Variants in SRP54 observed in about 807,000 individuals in gnomAD.
SRP54 encodes the protein signal recognition particle 54, also known as signal recognition particle subunit SRP54.
SRP54 carries 10 observed loss-of-function variants against 64.8 expected under a neutral mutation model. That is an observed-to-expected ratio of 0.15 (90% confidence interval 0.10 to 0.26). SRP54 has a LOEUF of 0.26. Among genes scored for constraint, SRP54 ranks in the 10% least tolerant of loss-of-function variants. SRP54 has a pLI of 1.00. For synonymous variants in SRP54, 193 were observed against 185.6 expected (o/e 1.04, Z -0.32); for missense variants, 325 against 613.7 (o/e 0.53, Z 4.97).
At chr14:35,024,831 A>G (rs780973922) in intron 14 of SRP54, among the ~76,000 whole-genome samples, 1 of 151,968 alleles carries the variant, frequency 6.6e-6, no homozygotes, top group African/African-American at 2.4e-5. Context: ...GGTTCAAGCT[A>G]TTCTCCTGCC....
chr14:35,025,361 T>G (rs1472129393), intron 14 of SRP54, among the ~76,000 whole-genome samples: 1 of 152,262 alleles, frequency 6.6e-6, no homozygotes, highest in Non-Finnish European at 1.5e-5. Context: ...CTTATTTTCC[T>G]TGCGATATCC....
rs565468225 is a variant in SRP54, at chr14:35,006,856, A to T, written c.256-427A>T. On this transcript the variant is annotated intron_variant, in intron 4 of 15. Coordinates refer to ENST00000216774, the MANE Select transcript of SRP54 (RefSeq NM_003136.4). ...CAAAGGGGAATAATTGTATTATAAT[A>T]GCTTATGGTAGCTTTTACATGAAAA... Among the ~76,000 whole-genome samples, 52 of 152,312 alleles carry T rather than the reference A, an allele frequency of 3.4e-4. 1 individual carries two copies.
At chr14:35,014,511 C>T (rs987746373) in intron 10 of SRP54, among the ~76,000 whole-genome samples, 1 of 151,992 alleles carries the variant, frequency 6.6e-6, no homozygotes, top group African/African-American at 2.4e-5. Flanking sequence ...AACTCCTGAC[C>T]TCAGGTGATC....
chr14:35,018,082 G>A (rs1386490800), intron 11 of SRP54, among the ~76,000 whole-genome samples: 1 of 152,200 alleles, frequency 6.6e-6, no homozygotes, highest in Admixed American at 6.5e-5. Flanking sequence ...TCCAGTCTCA[G>A]TGATAGAGCA....
chr14:35,028,071 T>TC lies in SRP54; in HGVS notation c.1328-17_1328-16insC. ...ACCTCCTACGCTGACTCAAAATCTT[T>TC]TTTTTTTTCCCCTCAGGTGGCGACA... On this transcript the variant is annotated splice_polypyrimidine_tract_variant and intron_variant, in intron 14 of 15. Coordinates refer to ENST00000216774, the MANE Select transcript of SRP54 (RefSeq NM_003136.4). The TC allele has an allele frequency of 2.5e-6, 4 of 1,584,018 alleles. No individual in the cohort carries two copies. The highest frequency in any genetic ancestry group is 3.4e-6 in the Non-Finnish European group (4 of 1,160,164).
Position 34,999,572 on chromosome 14 carries a change from G to C in SRP54, c.93G>C (p.Met31Ile), listed in dbSNP as rs1411095348. ...TTTATTTTCAGGTATTGAATGCTAT[G>C]CTAAAAGAAGTCTGTACCGCTTTGT... Reference protein sequence around the residue: ...TIINEEVLNAMLKEVCTALLE... With the variant: ...TIINEEVLNAILKEVCTALLE... Residue 31 changes from methionine (M) to isoleucine (I), a missense_variant, in exon 3 of 16, where the codon ATG becomes ATC. Transcript: ENST00000216774. 1 of 1,612,024 alleles carries C rather than the reference G, an allele frequency of 6.2e-7. No individual in the cohort carries two copies. The highest frequency in any genetic ancestry group is 8.5e-7 in the Non-Finnish European group (1 of 1,178,764).
rs765311551 is a variant in SRP54 at position 34,998,996 on chromosome 14, TGTGTGTGTGTGTGTGTGG to T, written c.79-561_79-544del. ...GTATGTGTGTGTGTGTGTGTGTGTG[TGTGTGTGTGTGTGTGTGG>T]TTTTTTTTTTTTTTTTTTGAGACAA... On this transcript the variant is annotated intron_variant, in intron 2 of 15. Coordinates refer to ENST00000216774, the MANE Select transcript of SRP54 (RefSeq NM_003136.4). Among the ~76,000 whole-genome samples the T allele has an allele frequency of 7.9e-3, 753 of 95,590 alleles. 10 individuals carry two copies. Among genetic ancestry groups the T allele is most frequent in the East Asian group, 0.016 (32 of 2,056 alleles). The allele number at this position is 95,590 out of a possible 152,430, so 62.7% of individuals were successfully genotyped here. A position where few individuals can be genotyped will look rare whatever the true frequency, so the allele number is the denominator to read the frequency against.
At position 34,993,331 on chromosome 14, in the gene SRP54, A is replaced by G. The variant is rs1187775321; in HGVS notation, c.-33-3346A>G. ...ATGAAGAATATTAATTTAAGGATCA[A>G]TAATTATTTTGTATAATGGGTATGG... On this transcript the variant is annotated intron_variant, in intron 1 of 15. Coordinates refer to ENST00000216774, the MANE Select transcript of SRP54 (RefSeq NM_003136.4). 2.0e-5 allele frequency: 3 copies of G among 152,346 alleles called. No homozygotes were observed. The East Asian group carries it at 5.8e-4, about 29-fold the overall frequency. 9.4% of individuals were successfully genotyped at this position (152,346 alleles called of 1,614,324 possible).
intron 7 of SRP54, among the ~76,000 whole-genome samples, chr14:35,010,028 A>G (rs969528273): frequency 1.3e-5 from 2 of 151,794 alleles, no homozygotes; most frequent in Non-Finnish European, 2.9e-5. Flanking sequence ...GGTGCCTGTA[A>G]TCCTAGCTAC....
intron 1 of SRP54, among the ~76,000 whole-genome samples, chr14:34,988,599 T>TATATATATAACATATATATATATAAC (rs1555352784): frequency 0.032 from 3,251 of 101,768 alleles, 149 homozygotes; most frequent in Non-Finnish European, 0.059. Context: ...ATATATAACA[T>TATATATATAACATATATATATATAAC]ATATATATAT....
rs761407366 is a variant in SRP54 at position 35,013,878 on chromosome 14, C to G, written c.862C>G (p.Gln288Glu). The G allele has an allele frequency of 1.9e-6, 3 of 1,613,658 alleles. No individual in the cohort carries two copies. The highest frequency in any genetic ancestry group is 1.7e-6 in the Non-Finnish European group (2 of 1,179,696). ...HIDDFEPFKT[Q>E]PFISKLLGMG... is the part of the protein sequence containing the mutation. ...AGATGACTTTGAACCTTTCAAAACA[C>G]AGCCTTTTATTAGCAAACTTCTTGG... The change falls in exon 10 of 16, where the codon CAG (glutamine) becomes GAG (glutamate). Residue 288 changes from glutamine (Q) to glutamate (E), a missense_variant. Transcript: ENST00000216774.
chr14:35,007,366 TA>T lies in SRP54; in HGVS notation c.343del (p.Thr115GlnfsTer7). The T allele has an allele frequency of 6.3e-7, 1 of 1,589,450 alleles. No individual in the cohort carries two copies. On this transcript the variant is annotated frameshift_variant, in exon 5 of 16. Coordinates refer to ENST00000216774, the MANE Select transcript of SRP54 (RefSeq NM_003136.4). LOFTEE classifies it high-confidence loss of function. ...TGTTTGTTGGATTGCAAGGGAGTGG[TA>T]AAACAACAACATGTTCAAAGGTAAA... ...IMFVGLQGSG[K>X]TTTCSKLAYY...
At chr14:35,019,585 C>CTAATGTATTAATGTATCCAT (rs1289226678) in intron 13 of SRP54, among the ~76,000 whole-genome samples, 5 of 152,164 alleles carry the variant, frequency 3.3e-5, no homozygotes, top group Non-Finnish European at 7.3e-5. Flanking sequence ...CATTGGGAAA[C>CTAATGTATTAATGTATCCAT]TAAGAAATGG....
chr14:35,028,064 AAATCTTTTT>A lies in SRP54; in HGVS notation c.1328-23_1328-15del, dbSNP rs770509157. ...TTATATTACCTCCTACGCTGACTCA[AAATCTTTTT>A]TTTTTTCCCCTCAGGTGGCGACATG... On this transcript the variant is annotated splice_polypyrimidine_tract_variant and intron_variant, in intron 14 of 15. Transcript: ENST00000216774. The A allele has an allele frequency of 6.4e-7, 1 of 1,567,054 alleles. No homozygotes were observed. Among genetic ancestry groups the A allele is most frequent in the African/African-American group, 1.4e-5 (1 of 73,530 alleles).
At chr14:35,003,007 A>C in intron 4 of SRP54, among the ~76,000 whole-genome samples, 1 of 152,054 alleles carries the variant, frequency 6.6e-6, no homozygotes, top group Non-Finnish European at 1.5e-5. Context: ...TGGCCTCCCA[A>C]AGTGTTAGGA....
intron 4 of SRP54, among the ~76,000 whole-genome samples, chr14:35,001,817 T>G (rs935690517): frequency 2.0e-5 from 3 of 152,146 alleles, no homozygotes; most frequent in Admixed American, 6.6e-5. Flanking sequence ...CTCACCTTAT[T>G]GCTGATCATG....
intron 4 of SRP54, 37 bp from the exon 5 acceptor site, chr14:35,007,246 A>T (rs777225631): frequency 6.9e-7 from 1 of 1,442,992 alleles, no homozygotes; most frequent in South Asian, 1.3e-5. Flanking sequence ...TATGTATGTT[A>T]ACCTGATTTT....
intron 4 of SRP54, 70 bp from the exon 5 acceptor site, chr14:35,007,212 TG>T (rs2044270656): frequency 9.6e-7 from 1 of 1,043,666 alleles, no homozygotes; most frequent in Non-Finnish European, 1.4e-6. Flanking sequence ...AAAAAAAAGT[TG>T]TGGGGAAGGG....
In SRP54 at chr14:35,011,648, G is replaced by A; in HGVS notation, c.625G>A (p.Ala209Thr). ...TTTGTTTGAAGAAATGCTTCAAGTT[G>A]CTAATGCTATAGTAAGTAGCTTTCA... ...DSLFEEMLQV[A>T]NAIQPDNIVY... The change falls in exon 8 of 16, where the codon GCT becomes ACT. Residue 209 changes from alanine (A) to threonine (T), a missense_variant. Physicochemically the swap from Ala to Thr is moderately conservative, Grantham distance 58. Around this residue, in one of 3 missense-constraint regions of SRP54, gnomAD observed 156 missense variants for 254.6 expected, o/e 0.61. Coordinates refer to ENST00000216774, the MANE Select transcript of SRP54 (RefSeq NM_003136.4). 6.4e-7 allele frequency: 1 copy of A among 1,570,952 alleles called. No homozygotes were observed. The highest frequency in any genetic ancestry group is 1.2e-5 in the South Asian group (1 of 83,462).
Sources: gnomAD v4.1 joint callset for allele counts (sites outside exome capture counted in the v4.1 genomes callset) on GRCh38, gnomAD v4.1.1 for gene constraint, gnomAD v4.1.1 regional missense constraint, MANE v1.5 for transcripts, NCBI Gene and HGNC (gene_info 2026-07-23, HGNC 2026-07-21) for gene names.